The following LRRC61 variants were observed in gnomAD, a reference collection of about 807,000 sequenced individuals.
LRRC61 encodes leucine rich repeat containing 61.
In LRRC61, 9 loss-of-function variants were observed where a neutral mutation model predicts 15.1. The observed-to-expected ratio is 0.60, with a 90% confidence interval of 0.36 to 1.04. The LOEUF (loss-of-function observed/expected upper bound fraction) is 1.04. Among genes scored for constraint, LRRC61 ranks in the 50% least tolerant of loss-of-function variants. LRRC61 has a pLI of 0.01. For synonymous variants in LRRC61, 173 were observed against 158.6 expected, an observed-to-expected ratio of 1.09 and a Z score of -0.68; for missense variants, 344 against 335.6, an observed-to-expected ratio of 1.03 and a Z score of -0.20.
At chr7:150,323,685 A>C (rs1797812713) in intron 1 of LRRC61, 125 bp downstream of exon 1, 2 of 456,270 alleles carry the variant, frequency 4.4e-6, no homozygotes, top group South Asian at 3.1e-5. Flanking sequence ...GAGAGGCCAG[A>C]ATCTTCCGGA....
intron 2 of LRRC61, among the ~76,000 whole-genome samples, chr7:150,327,488 T>G (rs943357555): frequency 6.6e-6 from 1 of 152,166 alleles, no homozygotes; most frequent in Non-Finnish European, 1.5e-5. Context: ...CATTCATCTG[T>G]CTCCTTTTAA....
chr7:150,316,321 A>C, the LRRC61 span, among the ~76,000 whole-genome samples: 2 of 152,194 alleles, frequency 1.3e-5, no homozygotes, highest in Non-Finnish European at 2.9e-5. Context: ...TCTGGCTGTC[A>C]ATACATTGCA....
At chr7:150,315,268 TG>T in the LRRC61 span, among the ~76,000 whole-genome samples, 3 of 152,026 alleles carry the variant, frequency 2.0e-5, no homozygotes, top group African/African-American at 7.2e-5. Flanking sequence ...TCATTAAAAT[TG>T]AACGTCATCG....
chr7:150,318,051 T>C, the LRRC61 span, among the ~76,000 whole-genome samples: 3 of 152,176 alleles, frequency 2.0e-5, no homozygotes, highest in Non-Finnish European at 4.4e-5. Flanking sequence ...TGGGATGATG[T>C]CGGGAAGTAG....
At chr7:150,315,720 A>G in the LRRC61 span, among the ~76,000 whole-genome samples, 1 of 152,190 alleles carries the variant, frequency 6.6e-6, no homozygotes, top group East Asian at 1.9e-4. Flanking sequence ...TCTTTTCCAG[A>G]GAGACTCTAG....
At position 150,333,589 on chromosome 7, in the gene LRRC61, C is replaced by T. The variant is rs1268784482; in HGVS notation, c.-144-3129C>T. 3.3e-5 allele frequency among the ~76,000 whole-genome samples: 5 copies of T among 152,340 alleles called. No individual in the cohort carries two copies. Among genetic ancestry groups the T allele is most frequent in the African/African-American group, 7.2e-5 (3 of 41,574 alleles). ...TTCCCAGGCAGAAGACACTCACCAA[C>T]GCCTGGGACCATCTTCCCTGGTTCT... On this transcript the variant is annotated intron_variant, in intron 2 of 2. Coordinates refer to ENST00000359623, the MANE Select transcript of LRRC61 (RefSeq NM_001142928.2). This position sits in a 1 kb window ranked among gnomAD's most constrained non-coding sequence, Gnocchi z 4.3.
At chr7:150,317,644 T>G in the LRRC61 span, among the ~76,000 whole-genome samples, 2 of 152,172 alleles carry the variant, frequency 1.3e-5, no homozygotes, top group African/African-American at 2.4e-5. Flanking sequence ...ATTATCTTAT[T>G]CTTGAATTCA....
upstream of LRRC61, among the ~76,000 whole-genome samples, chr7:150,321,791 T>C (rs1396082141): frequency 6.6e-6 from 1 of 152,074 alleles, no homozygotes; most frequent in Non-Finnish European, 1.5e-5. Context: ...AAGATAAAAA[T>C]CACTATTCTT....
At chr7:150,314,325 C>T in the LRRC61 span, among the ~76,000 whole-genome samples, 3,066 of 152,270 alleles carry the variant, frequency 0.02, 85 homozygotes, top group African/African-American at 0.07. Flanking sequence ...CTATTTAATA[C>T]ACCTTAGAAA....
chr7:150,335,533 T>C lies in LRRC61; in HGVS notation c.-144-1185T>C, dbSNP rs950753089. 1.3e-5 allele frequency among the ~76,000 whole-genome samples: 2 copies of C among 152,142 alleles called. No individual in the cohort carries two copies. The highest frequency in any genetic ancestry group is 2.9e-5 in the Non-Finnish European group (2 of 68,034). Reference sequence around the variant, plus strand: ...TCCCTGGTTGGGAACATAGTAAATATCTTTGTTGATGGTGTGGGAGGAGCT... The same window carrying C: ...TCCCTGGTTGGGAACATAGTAAATACCTTTGTTGATGGTGTGGGAGGAGCT... On this transcript the variant is annotated intron_variant, in intron 2 of 2. Coordinates refer to ENST00000359623, the MANE Select transcript of LRRC61 (RefSeq NM_001142928.2). This position sits in a 1 kb window ranked among gnomAD's most constrained non-coding sequence, Gnocchi z 4.3.
intron 2 of LRRC61, chr7:150,328,504 CAG>C (rs1395476634): frequency 1.3e-5 from 2 of 152,232 alleles, no homozygotes; most frequent in African/African-American, 4.8e-5. Flanking sequence ...GGGGCAGCGT[CAG>C]GGGGAAACAA....
chr7:150,314,046 G>T, the LRRC61 span, among the ~76,000 whole-genome samples: 4 of 152,338 alleles, frequency 2.6e-5, no homozygotes, highest in African/African-American at 4.8e-5. Flanking sequence ...TCCCTCCAGG[G>T]CGAGTGAGCT....
At chr7:150,334,183 C>G in intron 2 of LRRC61, 1 of 922,284 alleles carries the variant, frequency 1.1e-6, no homozygotes, top group Non-Finnish European at 1.3e-6. Context: ...AGCCACTGAC[C>G]CAGTTCCTCA....
At chr7:150,326,977 T>G (rs1797975972) in intron 2 of LRRC61, among the ~76,000 whole-genome samples, 1 of 152,202 alleles carries the variant, frequency 6.6e-6, no homozygotes, top group African/African-American at 2.4e-5. Context: ...ACTTAACCCT[T>G]CTGAGGTTCT....
At chr7:150,334,197 C>T (rs2129618385) in intron 2 of LRRC61, 1 of 838,570 alleles carries the variant, frequency 1.2e-6, no homozygotes, top group African/African-American at 1.8e-5. Context: ...TTCCTCAGGG[C>T]ATTCACTTAA....
At chr7:150,326,542 G>A (rs1363933532) in intron 2 of LRRC61, among the ~76,000 whole-genome samples, 1 of 152,068 alleles carries the variant, frequency 6.6e-6, no homozygotes, top group Non-Finnish European at 1.5e-5. Flanking sequence ...AATTAGCTGG[G>A]TGTGGTGGTG....
the LRRC61 span, among the ~76,000 whole-genome samples, chr7:150,317,681 T>C: frequency 6.6e-6 from 1 of 152,232 alleles, no homozygotes; most frequent in Non-Finnish European, 1.5e-5. Context: ...TGTTTTCCAT[T>C]TAAGCATTAT....
At position 150,335,024 on chromosome 7, in the gene LRRC61, C is replaced by CT; in HGVS notation, c.-144-1693dup. Among the ~76,000 whole-genome samples the CT allele has an allele frequency of 7.1e-6, 1 of 139,990 alleles. No homozygotes were observed. The highest frequency in any genetic ancestry group is 2.3e-4 in the South Asian group (1 of 4,426). 91.8% of individuals were successfully genotyped at this position (139,990 alleles called of 152,430 possible). ...CAGCCAGGGCAACAAGAGTGAAACTCTGTCTCAAAAAAAAAAAAAAAAAAG... is the reference window on the plus strand; with the variant it reads ...CAGCCAGGGCAACAAGAGTGAAACTCTTGTCTCAAAAAAAAAAAAAAAAAAG... On this transcript the variant is annotated intron_variant, in intron 2 of 2. Coordinates refer to ENST00000359623, the MANE Select transcript of LRRC61 (RefSeq NM_001142928.2). This position sits in a 1 kb window ranked among gnomAD's most constrained non-coding sequence, Gnocchi z 4.3.
rs778807543 is a variant in LRRC61, at chr7:150,337,592, C to T, written c.731C>T (p.Ala244Val). 4.0e-5 allele frequency: 62 copies of T among 1,568,878 alleles called. No homozygotes were observed. Among genetic ancestry groups the T allele is most frequent in the Admixed American group, 1.9e-4 (10 of 52,618 alleles). Residue 244 changes from alanine (A) to valine (V), a missense_variant, in exon 3 of 3, where the codon GCG (alanine) becomes GTG (valine). Transcript: ENST00000359623. ...DRQASDSLAQ[A>V]EQVLSSAGPT... Reference sequence around the variant, plus strand: ...CAGGCCAGCGACAGCCTGGCCCAGGCGGAGCAGGTACTCAGCTCTGCGGGC... The same window carrying T: ...CAGGCCAGCGACAGCCTGGCCCAGGTGGAGCAGGTACTCAGCTCTGCGGGC...
Sources: allele counts gnomAD v4.1 joint callset (sites outside exome capture counted in the v4.1 genomes callset), GRCh38; gene constraint gnomAD v4.1.1; non-coding constraint Gnocchi (gnomAD v3.1); transcripts MANE v1.5; gene names NCBI Gene and HGNC (gene_info 2026-07-23, HGNC 2026-07-21).